Variants in SHANK2 observed in about 807,000 individuals in gnomAD.
SHANK2 encodes SH3 and multiple ankyrin repeat domains 2.
Under a neutral mutation model 133.7 loss-of-function variants are expected in SHANK2, and 43 were observed. That is an observed-to-expected ratio of 0.32 (90% CI 0.25 to 0.41). SHANK2 has a LOEUF of 0.41. Among genes scored for constraint, SHANK2 ranks in the 10% least tolerant of loss-of-function variants. SHANK2 has a pLI of 1.00. For synonymous variants in SHANK2, 1,017 were observed against 952.8 expected, an observed-to-expected ratio of 1.07 and a Z score of -1.24; for missense variants, 1,994 against 2,235.8, an observed-to-expected ratio of 0.89 and a Z score of 2.18.
chr11:70,615,410 T>G (rs2060725214), intron 17 of SHANK2, among the ~76,000 whole-genome samples: 1 of 152,070 alleles, frequency 6.6e-6, no homozygotes, highest in Non-Finnish European at 1.5e-5. Context: ...GAGGGCTGAC[T>G]GGAATAGCCT....
intron 14 of SHANK2, among the ~76,000 whole-genome samples, chr11:70,753,465 T>C (rs1555037938): frequency 6.6e-6 from 1 of 151,874 alleles, no homozygotes; most frequent in African/African-American, 2.4e-5. Context: ...ACTCAAAGCA[T>C]GGAGAAGGAA....
intron 2 of SHANK2, among the ~76,000 whole-genome samples, chr11:71,156,990 T>C (rs1421924870): frequency 6.6e-6 from 1 of 152,180 alleles, no homozygotes; most frequent in Non-Finnish European, 1.5e-5. Flanking sequence ...GAAAGAGGGA[T>C]AGCATTAGGA....
intron 17 of SHANK2, among the ~76,000 whole-genome samples, chr11:70,594,995 A>AGCCGGGT (rs1202241708): frequency 6.6e-6 from 1 of 152,152 alleles, no homozygotes; most frequent in Non-Finnish European, 1.5e-5. Context: ...GGGAGCCGGG[A>AGCCGGGT]GCCGGGTCTC....
At chr11:71,094,516 G>T (rs562203764) in intron 7 of SHANK2, 21 bp downstream of exon 7, 1 of 1,545,056 alleles carries the variant, frequency 6.5e-7, no homozygotes, top group African/African-American at 1.4e-5. Flanking sequence ...TGGCACCCAA[G>T]TAAGATGGGC....
chr11:70,690,410 C>T (rs952686013), intron 15 of SHANK2, among the ~76,000 whole-genome samples: 2 of 148,932 alleles, frequency 1.3e-5, no homozygotes, highest in Non-Finnish European at 3.0e-5. Context: ...TATTAGTACC[C>T]TTCTTCTCAT....
chr11:71,161,123 T>C (rs1190164572), intron 2 of SHANK2, among the ~76,000 whole-genome samples: 10 of 152,170 alleles, frequency 6.6e-5, no homozygotes, highest in African/African-American at 2.2e-4. Flanking sequence ...GGATTGAACA[T>C]GCCTCATTAT....
chr11:71,151,290 A>G (rs1245546381), intron 2 of SHANK2, among the ~76,000 whole-genome samples: 4 of 151,820 alleles, frequency 2.6e-5, no homozygotes, highest in East Asian at 1.9e-4. Flanking sequence ...ACTATGTCCA[A>G]TTAGGAGAAA....
At chr11:70,595,457 C>T (rs2136290604) in intron 17 of SHANK2, among the ~76,000 whole-genome samples, 1 of 152,366 alleles carries the variant, frequency 6.6e-6, no homozygotes, top group South Asian at 2.1e-4. Flanking sequence ...CTCCTGAGGC[C>T]TATGAGGCTC....
At chr11:71,085,899 T>TA (rs1180340960) in intron 8 of SHANK2, among the ~76,000 whole-genome samples, 32,026 of 33,004 alleles carry the variant, frequency 0.97, 15,544 homozygotes, top group Middle Eastern at 1. Flanking sequence ...AATATATATA[T>TA]TAATTATATA....
chr11:71,223,999 C>T (rs1555121764), intron 2 of SHANK2, among the ~76,000 whole-genome samples: 1 of 152,212 alleles, frequency 6.6e-6, no homozygotes, highest in Non-Finnish European at 1.5e-5. Context: ...AGGCAAGGGT[C>T]CTATACCAGC....
chr11:70,761,014 G>A (rs1404338962), intron 14 of SHANK2, among the ~76,000 whole-genome samples: 2 of 152,178 alleles, frequency 1.3e-5, no homozygotes, highest in Non-Finnish European at 2.9e-5. Context: ...CGGCTTTCCA[G>A]GCTGCAGGTC....
intron 10 of SHANK2, among the ~76,000 whole-genome samples, chr11:70,941,579 G>A (rs1367830387): frequency 6.6e-6 from 1 of 152,112 alleles, no homozygotes; most frequent in African/African-American, 2.4e-5. Flanking sequence ...GGGGTGTTTA[G>A]GTTTAGGTGA....
intron 12 of SHANK2, among the ~76,000 whole-genome samples, chr11:70,809,011 C>T (rs529689557): frequency 5.5e-4 from 84 of 152,270 alleles, no homozygotes; most frequent in African/African-American, 1.9e-3. Flanking sequence ...CTTCTACACC[C>T]GACAGTAAGA....
intron 25 of SHANK2, among the ~76,000 whole-genome samples, chr11:70,476,994 G>A (rs1377134808): frequency 6.6e-6 from 1 of 152,232 alleles, no homozygotes; most frequent in Non-Finnish European, 1.5e-5. Flanking sequence ...TTCCCAGGTA[G>A]TTGGGATTGA....
At chr11:70,572,706 G>A (rs2060060863) in intron 17 of SHANK2, among the ~76,000 whole-genome samples, 1 of 152,148 alleles carries the variant, frequency 6.6e-6, no homozygotes, top group Admixed American at 6.5e-5. Flanking sequence ...AAGTCACAAT[G>A]AGACGCCACC....
intron 17 of SHANK2, among the ~76,000 whole-genome samples, chr11:70,534,995 A>ATG (rs782417510): frequency 7.9e-5 from 12 of 152,162 alleles, no homozygotes; most frequent in Non-Finnish European, 1.5e-4. Flanking sequence ...CAAAGGAGCC[A>ATG]TGGCTCCAGG....
At chr11:70,884,297 T>C (rs1949703657) in intron 11 of SHANK2, among the ~76,000 whole-genome samples, 3 of 152,320 alleles carry the variant, frequency 2.0e-5, no homozygotes, top group Admixed American at 2.0e-4. Flanking sequence ...AACGGGCCCC[T>C]AGGGATTGTG....
At chr11:70,895,107 T>G (rs1440440992) in intron 11 of SHANK2, among the ~76,000 whole-genome samples, 2 of 152,228 alleles carry the variant, frequency 1.3e-5, no homozygotes, top group Non-Finnish European at 2.9e-5. Context: ...AGGAGGGATG[T>G]GCAAGTCAGT....
intron 23 of SHANK2, 122 bp downstream of exon 23, chr11:70,490,154 C>T (rs1591493974): frequency 1.2e-6 from 1 of 801,888 alleles, no homozygotes. Context: ...GCTGGCAGGG[C>T]CTTGCTGGGG....
Sources: allele counts gnomAD v4.1 joint callset (sites outside exome capture counted in the v4.1 genomes callset), GRCh38; gene constraint gnomAD v4.1.1; transcripts MANE v1.5; gene names NCBI Gene and HGNC (gene_info 2026-07-23, HGNC 2026-07-21).